TRIM40: variants seen among roughly 807,000 people sequenced by gnomAD.
The protein encoded by TRIM40 is tripartite motif containing 40, also known as E3 ubiquitin ligase TRIM40.
In TRIM40, 27 loss-of-function variants were observed where a neutral mutation model predicts 26.1. That is an observed-to-expected ratio of 1.04 (90% CI 0.76 to 1.43). The LOEUF (loss-of-function observed/expected upper bound fraction) is 1.43, where lower values mean the gene tolerates loss of function less well. TRIM40 is among the 40% of genes most tolerant of loss of function. TRIM40 has a pLI of 0.00. For missense variants in TRIM40, 289 were observed against 307.9 expected, an observed-to-expected ratio of 0.94 and a Z score of 0.46; for synonymous variants, 114 against 120.0, an observed-to-expected ratio of 0.95 and a Z score of 0.33.
At chr6:30,141,745 G>A (rs1771358416) in intron 2 of TRIM40, among the ~76,000 whole-genome samples, 1 of 152,162 alleles carries the variant, frequency 6.6e-6, no homozygotes, top group Non-Finnish European at 1.5e-5. Context: ...CATAATATTT[G>A]AGGAAGGAAC....
Position 30,137,383 on chromosome 6 carries a change from T to A in TRIM40, c.345+2T>A. The A allele has an allele frequency of 6.2e-7, 1 of 1,608,984 alleles. No individual in the cohort carries two copies. The highest frequency in any genetic ancestry group is 8.5e-7 in the Non-Finnish European group (1 of 1,177,632). Reference sequence around the variant, plus strand: ...GAAAATGCCCTCAGCCACTACAAGGTAAGCCTGGGTCACCGCAGCCAGGCC... The same window carrying A: ...GAAAATGCCCTCAGCCACTACAAGGAAAGCCTGGGTCACCGCAGCCAGGCC... On this transcript the variant is annotated splice_donor_variant, in intron 2 of 5. Coordinates refer to ENST00000396581, the MANE Select transcript of TRIM40 (RefSeq NM_001286633.2). LOFTEE classifies it high-confidence loss of function.
intron 2 of TRIM40, among the ~76,000 whole-genome samples, chr6:30,138,431 T>C (rs1162256199): frequency 6.6e-6 from 1 of 152,250 alleles, no homozygotes; most frequent in East Asian, 1.9e-4. Flanking sequence ...ATTTGTTGAA[T>C]GATTCATATA....
chr6:30,139,757 CA>C (rs1296304213), intron 2 of TRIM40, among the ~76,000 whole-genome samples: 8 of 152,112 alleles, frequency 5.3e-5, no homozygotes, highest in African/African-American at 1.7e-4. Flanking sequence ...CCTGCAAAGA[CA>C]GGGGGTAGGG....
intron 2 of TRIM40, among the ~76,000 whole-genome samples, chr6:30,144,871 C>T (rs1237005791): frequency 6.6e-6 from 1 of 152,192 alleles, no homozygotes; most frequent in Non-Finnish European, 1.5e-5. Context: ...TCCACACCAG[C>T]CTGCCACCTT....
rs1018061429 is a variant in TRIM40, at chr6:30,148,727, T to G, written c.*915T>G. 7.2e-5 allele frequency: 11 copies of G among 152,274 alleles called. No homozygotes were observed. In the East Asian group the frequency reaches 7.7e-4, roughly 11 times the overall value. The allele number at this position is 152,274 out of a possible 1,614,324, so 9.4% of individuals were successfully genotyped here. ...AGTGTGACAATAAATGTGTGTGTGT[T>G]TTTTTGTTTTCTGTTTTCGTTTTTG... On this transcript the variant is annotated 3_prime_UTR_variant, in exon 6 of 6. Coordinates refer to ENST00000396581, the MANE Select transcript of TRIM40 (RefSeq NM_001286633.2).
At chr6:30,139,963 T>C (rs1469020649) in intron 2 of TRIM40, among the ~76,000 whole-genome samples, 4 of 152,134 alleles carry the variant, frequency 2.6e-5, no homozygotes, top group African/African-American at 4.8e-5. Flanking sequence ...AACAGACATA[T>C]GAAAAAATGC....
rs1164469721 is a variant in TRIM40 at position 30,139,332 on chromosome 6, TTTTTTTC to T, written c.345+1958_345+1964del. ...AATAAGTAATCAAAGAACTGTAACT[TTTTTTTC>T]TTTTTTTTTTTTTTTTTTTTTTGAG... On this transcript the variant is annotated intron_variant, in intron 2 of 5. Coordinates refer to ENST00000396581, the MANE Select transcript of TRIM40 (RefSeq NM_001286633.2). Among the ~76,000 whole-genome samples the T allele has an allele frequency of 3.5e-3, 456 of 130,202 alleles. 2 individuals carry two copies. The highest frequency in any genetic ancestry group is 0.013 in the African/African-American group (448 of 34,250). 85.4% of individuals were successfully genotyped at this position (130,202 alleles called of 152,430 possible). A position where few individuals can be genotyped will look rare whatever the true frequency, so the allele number is the denominator to read the frequency against.
At chr6:30,141,951 T>C (rs534239235) in intron 2 of TRIM40, among the ~76,000 whole-genome samples, 24 of 152,176 alleles carry the variant, frequency 1.6e-4, no homozygotes, top group Non-Finnish European at 3.4e-4. Flanking sequence ...AAGAAGGTGA[T>C]GGTACATTTT....
At chr6:30,137,521 A>G (rs1395152270) in intron 2 of TRIM40, 140 bp downstream of exon 2, 5 of 745,676 alleles carry the variant, frequency 6.7e-6, no homozygotes, top group Non-Finnish European at 8.7e-6. Flanking sequence ...CCTGTTTTGG[A>G]CCCTTGTCTT....
intron 2 of TRIM40, among the ~76,000 whole-genome samples, chr6:30,142,339 T>C (rs1315157718): frequency 6.6e-6 from 1 of 152,180 alleles, no homozygotes; most frequent in Non-Finnish European, 1.5e-5. Flanking sequence ...TGTGTGACAG[T>C]GATGTACGTT....
intron 2 of TRIM40, among the ~76,000 whole-genome samples, chr6:30,141,793 G>A (rs1318614197): frequency 6.6e-6 from 1 of 152,188 alleles, no homozygotes; most frequent in African/African-American, 2.4e-5. Context: ...GATGTGAAAG[G>A]TTTGAAAAGA....
In TRIM40 at chr6:30,137,083, T is replaced by A. The variant is rs2127418917; in HGVS notation, c.47T>A (p.Ile16Asn). 6.2e-7 allele frequency: 1 copy of A among 1,613,052 alleles called. No homozygotes were observed. Among genetic ancestry groups the A allele is most frequent in the South Asian group, 1.1e-5 (1 of 91,082 alleles). The change falls in exon 2 of 6, where the codon ATC (isoleucine) becomes AAC (asparagine). Residue 16 changes from isoleucine to asparagine, a missense_variant. Coordinates refer to ENST00000396581, the MANE Select transcript of TRIM40 (RefSeq NM_001286633.2). ...AACCAGGAGGAGGGTGTCTGCCCCA[T>A]CTGCCAGGAGAGCCTGAAGGAGGCC... ...KDNQEEGVCP[I>N]CQESLKEAVS...
rs370316642 is a variant in TRIM40 at position 30,147,066 on chromosome 6, C to T, written c.523C>T (p.Pro175Ser). The T allele has an allele frequency of 2.5e-6, 4 of 1,613,800 alleles. No homozygotes were observed. The highest frequency in any genetic ancestry group is 3.4e-6 in the Non-Finnish European group (4 of 1,179,850). ...HQTREQLGAL[P>S]QQWLGQLEHM... ...AACCAGGGAACAGCTGGGTGCCCTCCCTCAGCAGTGGCTGGGCCAGCTGGA... is the reference window on the plus strand; with the variant it reads ...AACCAGGGAACAGCTGGGTGCCCTCTCTCAGCAGTGGCTGGGCCAGCTGGA... The change falls in exon 4 of 6, where the codon CCT (proline) becomes TCT (serine). Residue 175 changes from proline to serine, a missense_variant. By Grantham distance (74) the Pro-to-Ser change is moderately conservative. Coordinates refer to ENST00000396581, the MANE Select transcript of TRIM40 (RefSeq NM_001286633.2).
At position 30,137,397 on chromosome 6, in the gene TRIM40, C is replaced by G. The variant is rs139363411; in HGVS notation, c.345+16C>G. The G allele has an allele frequency of 1.3e-6, 2 of 1,596,790 alleles. No homozygotes were observed. The highest frequency in any genetic ancestry group is 1.7e-6 in the Non-Finnish European group (2 of 1,170,852). On this transcript the variant is annotated intron_variant, in intron 2 of 5. Transcript: ENST00000396581. ...CCACTACAAGGTAAGCCTGGGTCAC[C>G]GCAGCCAGGCCCTGCCTCCACCTCG...
intron 2 of TRIM40, among the ~76,000 whole-genome samples, chr6:30,140,193 C>A (rs1053862164): frequency 2.0e-5 from 3 of 152,090 alleles, no homozygotes; most frequent in African/African-American, 7.2e-5. Flanking sequence ...CCAGAAATAC[C>A]ATTTGACCCA....
At chr6:30,146,864 A>G in intron 3 of TRIM40, 121 bp from the exon 4 acceptor site, 1 of 962,064 alleles carries the variant, frequency 1.0e-6, no homozygotes, top group Non-Finnish European at 1.6e-6. Context: ...TGACACACAG[A>G]GGCAACACCA....
intron 2 of TRIM40, among the ~76,000 whole-genome samples, chr6:30,138,747 C>G (rs957963250): frequency 1.2e-4 from 18 of 152,280 alleles, no homozygotes; most frequent in Admixed American, 9.8e-4. Context: ...GGACAATTGA[C>G]AATATTTTCA....
Position 30,148,089 on chromosome 6 carries a change from C to G in TRIM40, c.*277C>G. ...TCTCCAGGAGCATTTGTGAAATCTCCATTTTGCCTGTAAACTGATGGTAGT... is the reference window on the plus strand; with the variant it reads ...TCTCCAGGAGCATTTGTGAAATCTCGATTTTGCCTGTAAACTGATGGTAGT... On this transcript the variant is annotated 3_prime_UTR_variant, in exon 6 of 6. Coordinates refer to ENST00000396581, the MANE Select transcript of TRIM40 (RefSeq NM_001286633.2). 1.8e-6 allele frequency: 1 copy of G among 542,744 alleles called. No individual in the cohort carries two copies. Among genetic ancestry groups the G allele is most frequent in the Non-Finnish European group, 3.3e-6 (1 of 304,234 alleles). The allele number at this position is 542,744 out of a possible 1,614,324, so 33.6% of individuals were successfully genotyped here.
intron 2 of TRIM40, among the ~76,000 whole-genome samples, chr6:30,139,067 T>C (rs1009526920): frequency 6.6e-6 from 1 of 152,248 alleles, no homozygotes; most frequent in African/African-American, 2.4e-5. Context: ...CTGTCCTTTG[T>C]GTTAGATGTC....
Sources: allele counts gnomAD v4.1 joint callset (sites outside exome capture counted in the v4.1 genomes callset), GRCh38; gene constraint gnomAD v4.1.1; transcripts MANE v1.5; gene names NCBI Gene and HGNC (gene_info 2026-07-23, HGNC 2026-07-21).